Variants in PPP1R14C observed in about 807,000 individuals in gnomAD.
PPP1R14C encodes protein phosphatase 1 regulatory inhibitor subunit 14C, also known as protein phosphatase 1 regulatory subunit 14C.
A neutral mutation model predicts 20.4 loss-of-function variants in PPP1R14C; 16 were observed. The observed-to-expected ratio is 0.78, with a 90% CI of 0.53 to 1.19. PPP1R14C has a LOEUF of 1.19. PPP1R14C is among the 50% of genes most tolerant of loss of function. The pLI, the probability that PPP1R14C is intolerant of heterozygous loss-of-function variation, is 0.00. For synonymous variants in PPP1R14C, 91 were observed against 91.0 expected (o/e 1.00, Z 0.00); for missense variants, 211 against 220.1 (o/e 0.96, Z 0.26).
intron 3 of PPP1R14C, among the ~76,000 whole-genome samples, chr6:150,227,985 G>T (rs948724031): frequency 3.9e-5 from 6 of 152,198 alleles, no homozygotes; most frequent in African/African-American, 7.2e-5. Flanking sequence ...CCAGGTAAAA[G>T]AGCCGTACGT....
chr6:150,214,056 G>A (rs1220128656), intron 1 of PPP1R14C, among the ~76,000 whole-genome samples: 2 of 152,172 alleles, frequency 1.3e-5, no homozygotes, highest in African/African-American at 2.4e-5. Flanking sequence ...ACACTTCCTC[G>A]GTTCAGAGGG....
intron 1 of PPP1R14C, among the ~76,000 whole-genome samples, chr6:150,171,238 C>T (rs534365737): frequency 2.0e-5 from 3 of 152,278 alleles, no homozygotes; most frequent in African/African-American, 7.2e-5. Flanking sequence ...AACATTCTCT[C>T]GTTATTGTGT....
chr6:150,160,268 T>A (rs1437891125), intron 1 of PPP1R14C, among the ~76,000 whole-genome samples: 8 of 63,334 alleles, frequency 1.3e-4, no homozygotes, highest in African/African-American at 3.4e-4. Context: ...TTTTTTTTTT[T>A]TTTTTTTTTT....
At chr6:150,221,902 G>A (rs55764065) in intron 3 of PPP1R14C, among the ~76,000 whole-genome samples, 1,883 of 152,238 alleles carry the variant, frequency 0.012, 35 homozygotes, top group African/African-American at 0.042. Context: ...GGGCTCAAGC[G>A]ATCCTCCTGC....
intron 1 of PPP1R14C, among the ~76,000 whole-genome samples, chr6:150,211,689 G>A (rs1228232115): frequency 2.0e-5 from 3 of 152,148 alleles, no homozygotes; most frequent in Non-Finnish European, 4.4e-5. Context: ...TCTCTACTTG[G>A]TACTAGGTGC....
intron 1 of PPP1R14C, among the ~76,000 whole-genome samples, chr6:150,149,595 G>T (rs1777222390): frequency 1.3e-5 from 2 of 151,764 alleles, no homozygotes; most frequent in African/African-American, 2.4e-5. Context: ...ACTGCGCCCG[G>T]CTACTTTCTC....
intron 3 of PPP1R14C, among the ~76,000 whole-genome samples, chr6:150,235,954 A>G (rs1426369406): frequency 6.6e-6 from 1 of 152,194 alleles, no homozygotes; most frequent in Non-Finnish European, 1.5e-5. Flanking sequence ...TGTGTTTATC[A>G]TAACACATTT....
intron 2 of PPP1R14C, among the ~76,000 whole-genome samples, chr6:150,216,359 G>A (rs925584658): frequency 2.6e-5 from 4 of 152,144 alleles, no homozygotes; most frequent in Non-Finnish European, 5.9e-5. Context: ...AGCCGGGTGT[G>A]GTGGTGCACA....
chr6:150,143,164 G>T lies in PPP1R14C; in HGVS notation c.-29G>T, dbSNP rs1777134390. On this transcript the variant is annotated 5_prime_UTR_variant, in exon 1 of 4. Transcript: ENST00000361131. The surrounding 1 kb of genome is among the most constrained non-coding windows in gnomAD (Gnocchi z 5.6). ...CGCGCTCCGCCCGCCCCTCCTCCGG[G>T]CCGCACTGAGGCTCGGGCGCGCGGG... 1.6e-6 allele frequency: 2 copies of T among 1,288,190 alleles called. No individual in the cohort carries two copies. The highest frequency in any genetic ancestry group is 1.9e-6 in the Non-Finnish European group (2 of 1,025,968). 79.8% of individuals were successfully genotyped at this position (1,288,190 alleles called of 1,614,324 possible).
chr6:150,194,828 C>T (rs181096048), intron 1 of PPP1R14C: 23 of 985,252 alleles, frequency 2.3e-5, no homozygotes, highest in East Asian at 2.3e-4. Context: ...CAGTGAGTAC[C>T]GGGGAAGTCT....
At chr6:150,229,751 A>G (rs762020654) in intron 3 of PPP1R14C, among the ~76,000 whole-genome samples, 1 of 152,240 alleles carries the variant, frequency 6.6e-6, no homozygotes, top group Non-Finnish European at 1.5e-5. Context: ...CATTTTAACA[A>G]CAGCAGCCAC....
intron 1 of PPP1R14C, among the ~76,000 whole-genome samples, chr6:150,174,508 G>A (rs535299334): frequency 2.6e-4 from 39 of 151,898 alleles, no homozygotes; most frequent in Non-Finnish European, 4.4e-4. Flanking sequence ...GAGCCACCAC[G>A]CCTGGCCGTG....
intron 1 of PPP1R14C, among the ~76,000 whole-genome samples, chr6:150,211,366 T>C (rs1778022898): frequency 6.6e-6 from 1 of 152,174 alleles, no homozygotes; most frequent in African/African-American, 2.4e-5. Context: ...CTCTCACTAA[T>C]GTGGGGCAGG....
At chr6:150,192,819 C>T (rs2114889294) in intron 1 of PPP1R14C, among the ~76,000 whole-genome samples, 1 of 152,292 alleles carries the variant, frequency 6.6e-6, no homozygotes. Flanking sequence ...ATGGTTCCTT[C>T]ACCTACAGGT....
intron 3 of PPP1R14C, among the ~76,000 whole-genome samples, chr6:150,221,100 C>A (rs776130275): frequency 6.6e-6 from 1 of 152,198 alleles, no homozygotes; most frequent in Non-Finnish European, 1.5e-5. Flanking sequence ...AAAGGCTGGA[C>A]ACTTTTGCCT....
At chr6:150,164,456 C>T (rs1471453530) in intron 1 of PPP1R14C, 1 of 152,186 alleles carries the variant, frequency 6.6e-6, no homozygotes. Context: ...TTGTCTGCTA[C>T]AAGGTCATGA....
chr6:150,231,439 G>A (rs1445346679), intron 3 of PPP1R14C, among the ~76,000 whole-genome samples: 1 of 152,202 alleles, frequency 6.6e-6, no homozygotes, highest in East Asian at 1.9e-4. Flanking sequence ...CATGTCTGGA[G>A]CCTTCATAGT....
intron 1 of PPP1R14C, among the ~76,000 whole-genome samples, chr6:150,193,187 T>C (rs2114889592): frequency 6.6e-6 from 1 of 152,118 alleles, no homozygotes; most frequent in Admixed American, 6.5e-5. Context: ...ATTATCCAAA[T>C]CACCGAGGGA....
At chr6:150,214,443 CCTT>C (rs1376562448) in intron 1 of PPP1R14C, among the ~76,000 whole-genome samples, 3 of 152,206 alleles carry the variant, frequency 2.0e-5, no homozygotes, top group South Asian at 2.1e-4. Context: ...TCCCCCTCCT[CCTT>C]CTCTTCTTTT....
Sources: allele counts gnomAD v4.1 joint callset (sites outside exome capture counted in the v4.1 genomes callset), GRCh38; gene constraint gnomAD v4.1.1; non-coding constraint Gnocchi (gnomAD v3.1); transcripts MANE v1.5; gene names NCBI Gene and HGNC (gene_info 2026-07-23, HGNC 2026-07-21).